The following VCP variants were observed in gnomAD, a reference collection of about 807,000 sequenced individuals.
The protein encoded by VCP is transitional endoplasmic reticulum ATPase.
Under a neutral mutation model 85.7 loss-of-function variants are expected in VCP, and 6 were observed. That is an observed-to-expected ratio of 0.07 (90% confidence interval 0.04 to 0.14). The LOEUF is 0.14. Ranked by LOEUF, VCP falls within the 10% of genes least tolerant of loss-of-function variation. VCP has a pLI of 1.00. For synonymous variants in VCP, 384 were observed against 367.1 expected (o/e 1.05, Z -0.53); for missense variants, 353 against 1,043.4 (o/e 0.34, Z 9.12).
Position 35,059,992 on chromosome 9 carries a change from T to A in VCP, c.1696-191A>T. ...TACAAAAAATAAAAAATTAGCCAGA[T>A]GTGGTGACGCATGCCTATAGTCCCA... On this transcript the variant is annotated intron_variant, in intron 13 of 16. Transcript: ENST00000358901. The surrounding 1 kb of genome is among the most constrained non-coding windows in gnomAD (Gnocchi z 4.9). 1.4e-6 allele frequency: 1 copy of A among 735,410 alleles called. No individual in the cohort carries two copies. Among genetic ancestry groups the A allele is most frequent in the Non-Finnish European group, 2.2e-6 (1 of 454,792 alleles). The allele number at this position is 735,410 out of a possible 1,614,324, so 45.6% of individuals were successfully genotyped here.
Position 35,060,999 on chromosome 9 carries a change from C to A in VCP, c.1359+16G>T. On this transcript the variant is annotated intron_variant, in intron 11 of 16. Transcript: ENST00000358901. ...AGCACGTATGTGTGTACCTGAGGCA[C>A]GGGTGTGGTCCTTACCCGGAAGTCA... The A allele has an allele frequency of 6.2e-7, 1 of 1,614,136 alleles. No individual in the cohort carries two copies. The highest frequency in any genetic ancestry group is 1.7e-5 in the Admixed American group (1 of 60,028).
chr9:35,057,676 A>T (rs1164006814), intron 15 of VCP, 146 bp from the exon 16 acceptor site: 1 of 1,094,988 alleles, frequency 9.1e-7, no homozygotes, highest in African/African-American at 1.5e-5. Context: ...CCTAAAATTG[A>T]GTCACTGCTC....
At chr9:35,064,850 T>C (rs1828796436) in intron 5 of VCP, among the ~76,000 whole-genome samples, 1 of 152,230 alleles carries the variant, frequency 6.6e-6, no homozygotes, top group African/African-American at 2.4e-5. Flanking sequence ...GAAAGATGGT[T>C]AGTTCTCCAA....
Position 35,060,882 on chromosome 9 carries a change from G to A in VCP, c.1401C>T (p.Thr467=), listed in dbSNP as rs916113917. 23 of 1,614,126 alleles carry A rather than the reference G, an allele frequency of 1.4e-5. No homozygotes were observed. The highest frequency in any genetic ancestry group is 1.6e-4 in the Middle Eastern group (1 of 6,062). The part of the protein sequence containing the change: ...SQSNPSALRE[T]VVEVPQVTWE... ...AGGTTACCTGTGGCACCTCTACCAC[G>A]GTTTCCCGCAGTGCTGATGGGTTAC... Residue 467 remains threonine, a synonymous_variant, in exon 12 of 17, where the codon ACC becomes ACT. Transcript: ENST00000358901.
chr9:35,072,329 A>T lies in VCP; in HGVS notation c.17+8T>A, dbSNP rs1180720482. The T allele has an allele frequency of 6.7e-7, 1 of 1,486,018 alleles. No individual in the cohort carries two copies. The highest frequency in any genetic ancestry group is 2.3e-5 in the Admixed American group (1 of 43,866). The allele number at this position is 1,486,018 out of a possible 1,614,324, so 92.1% of individuals were successfully genotyped here. On this transcript the variant is annotated splice_region_variant and intron_variant, in intron 1 of 16. Transcript: ENST00000358901. Reference sequence around the variant, plus strand: ...GCCGCAGCAAGCGAACGGCGCGCGCACACTCACTCGGCTCCAGAAGCCATG... The same window carrying T: ...GCCGCAGCAAGCGAACGGCGCGCGCTCACTCACTCGGCTCCAGAAGCCATG...
intron 9 of VCP, 118 bp from the exon 10 acceptor site, chr9:35,061,807 A>C: frequency 7.2e-7 from 1 of 1,394,542 alleles, no homozygotes; most frequent in Non-Finnish European, 1.0e-6. Flanking sequence ...AGCACTAAAA[A>C]AGTCTCAAGC....
intron 1 of VCP, chr9:35,071,701 C>T (rs1308327753): frequency 2.0e-6 from 2 of 985,156 alleles, no homozygotes; most frequent in East Asian, 1.1e-4. Flanking sequence ...AAAGGTAGGG[C>T]TCGCCCTCTC....
rs1481992845 is a variant in VCP at position 35,067,986 on chromosome 9, G to A, written c.207C>T (p.Cys69=). Residue 69 remains cysteine, a synonymous_variant, in exon 3 of 17, where the codon TGC becomes TGT. Transcript: ENST00000358901. ...AACAAGTATCATCAGAAAGGACGAT[G>A]CAAACAGCTTCTCGTCTCTTCTTTC... ...LKGKKRREAV[C]IVLSDDTCSD... The A allele has an allele frequency of 1.9e-6, 3 of 1,614,106 alleles. No individual in the cohort carries two copies. Among genetic ancestry groups the A allele is most frequent in the Non-Finnish European group, 1.7e-6 (2 of 1,180,054 alleles).
Position 35,057,713 on chromosome 9 carries a change from G to C in VCP, c.2161-183C>G, listed in dbSNP as rs1436590720. ...GCTTAAAAACTTGTCAATGCACTCT[G>C]GAAAAGGGAAAACTGTAGGGACAGA... On this transcript the variant is annotated intron_variant, in intron 15 of 16. Transcript: ENST00000358901. 5.5e-6 allele frequency: 4 copies of C among 732,366 alleles called. No homozygotes were observed. In the African/African-American group the frequency reaches 7.0e-5, roughly 13 times the overall value. The allele number at this position is 732,366 out of a possible 1,614,324, so 45.4% of individuals were successfully genotyped here. A position where few individuals can be genotyped will look rare whatever the true frequency, so the allele number is the denominator to read the frequency against.
chr9:35,061,290 C>T (rs1828716266), intron 10 of VCP, 111 bp from the exon 11 acceptor site: 11 of 1,423,614 alleles, frequency 7.7e-6, no homozygotes, highest in Admixed American at 1.8e-5. Context: ...CTCTCATTTC[C>T]TTGAATATAT....
chr9:35,066,879 CA>C, intron 3 of VCP, 62 bp from the exon 4 acceptor site: 1 of 1,612,350 alleles, frequency 6.2e-7, no homozygotes, highest in Admixed American at 1.7e-5. Flanking sequence ...ACTGGGTGTC[CA>C]AAAGGGCCTG....
rs1587135687 is a variant in VCP, at chr9:35,072,340, G to A, written c.14C>T (p.Ala5Val). 1 of 1,486,568 alleles carries A rather than the reference G, an allele frequency of 6.7e-7. No homozygotes were observed. Among genetic ancestry groups the A allele is most frequent in the South Asian group, 1.3e-5 (1 of 79,026 alleles). The allele number at this position is 1,486,568 out of a possible 1,614,324, so 92.1% of individuals were successfully genotyped here. ...CGAACGGCGCGCGCACACTCACTCG[G>A]CTCCAGAAGCCATGGCGCGCGCCTC... Reference protein sequence around the residue: MASGADSKGDDLSTA... With the variant: MASGVDSKGDDLSTA... Residue 5 changes from alanine (A) to valine (V), a missense_variant, in exon 1 of 17, where the codon GCC becomes GTC. By Grantham distance (64) the Ala-to-Val change is moderately conservative. Coordinates refer to ENST00000358901, the MANE Select transcript of VCP (RefSeq NM_007126.5).
Position 35,059,943 on chromosome 9 carries a change from G to T in VCP, c.1696-142C>A. 1 of 1,018,050 alleles carries T rather than the reference G, an allele frequency of 9.8e-7. No individual in the cohort carries two copies. The highest frequency in any genetic ancestry group is 1.5e-6 in the Non-Finnish European group (1 of 678,526). The allele number at this position is 1,018,050 out of a possible 1,614,324, so 63.1% of individuals were successfully genotyped here. On this transcript the variant is annotated intron_variant, in intron 13 of 16. Coordinates refer to ENST00000358901, the MANE Select transcript of VCP (RefSeq NM_007126.5). This position sits in a 1 kb window ranked among gnomAD's most constrained non-coding sequence, Gnocchi z 4.9. ...AGGCCAGAAATCCGAAACCAGCATG[G>T]GCAACATACTGAGACTTTGTCTCTA...
chr9:35,062,971 A>G lies in VCP; in HGVS notation c.811+7T>C. Reference sequence around the variant, plus strand: ...TAGCTAGACATAAGATGAACCAAATATCTCACCATTGATCAAGAAGAAGAA... The same window carrying G: ...TAGCTAGACATAAGATGAACCAAATGTCTCACCATTGATCAAGAAGAAGAA... On this transcript the variant is annotated splice_region_variant and intron_variant, in intron 7 of 16. Coordinates refer to ENST00000358901, the MANE Select transcript of VCP (RefSeq NM_007126.5). The G allele has an allele frequency of 6.2e-7, 1 of 1,613,982 alleles. No homozygotes were observed. Among genetic ancestry groups the G allele is most frequent in the African/African-American group, 1.3e-5 (1 of 75,004 alleles).
rs1417207720 is a variant in VCP at position 35,056,921 on chromosome 9, CTTTTA to C, written c.*191_*195del. 11 of 621,292 alleles carry C rather than the reference CTTTTA, an allele frequency of 1.8e-5. No homozygotes were observed. Among genetic ancestry groups the C allele is most frequent in the Admixed American group, 1.3e-4 (5 of 38,658 alleles). The allele number at this position is 621,292 out of a possible 1,614,324, so 38.5% of individuals were successfully genotyped here. A position where few individuals can be genotyped will look rare whatever the true frequency, so the allele number is the denominator to read the frequency against. ...CTCTCCGCCTACCAAATGAAAATCG[CTTTTA>C]TTTTATCGCTTTTGTTTTGTATTTT... is the stretch of plus-strand genomic sequence containing the variant. On this transcript the variant is annotated 3_prime_UTR_variant, in exon 17 of 17. Transcript: ENST00000358901.
At chr9:35,069,220 A>G (rs1828891229) in intron 1 of VCP, among the ~76,000 whole-genome samples, 1 of 152,214 alleles carries the variant, frequency 6.6e-6, no homozygotes, top group Non-Finnish European at 1.5e-5. Context: ...TCACAGTAAT[A>G]TCTGCAAAAG....
intron 3 of VCP, 146 bp from the exon 4 acceptor site, chr9:35,066,963 G>A: frequency 7.6e-7 from 1 of 1,319,038 alleles, no homozygotes; most frequent in Non-Finnish European, 1.1e-6. Context: ...GGAGAACAGG[G>A]TGGAAGTGAG....
chr9:35,057,926 T>A (rs976556809), intron 15 of VCP: 3 of 329,704 alleles, frequency 9.1e-6, no homozygotes, highest in African/African-American at 6.5e-5. Flanking sequence ...CATACCTTAA[T>A]AAACCTTAAT....
intron 11 of VCP, 21 bp from the exon 12 acceptor site, chr9:35,060,944 G>A: frequency 1.2e-6 from 2 of 1,614,188 alleles, no homozygotes; most frequent in Admixed American, 1.7e-5. Context: ...AGGGAAAACT[G>A]GGGATGAGAC....
Sources: gnomAD v4.1 joint callset for allele counts (sites outside exome capture counted in the v4.1 genomes callset) on GRCh38, gnomAD v4.1.1 for gene constraint, Gnocchi (gnomAD v3.1) non-coding constraint, MANE v1.5 for transcripts, NCBI Gene and HGNC (gene_info 2026-07-23, HGNC 2026-07-21) for gene names.